ERC2: variants seen among roughly 807,000 people sequenced by gnomAD.
ERC2 encodes the protein ERC protein 2.
Under a neutral mutation model 114.8 loss-of-function variants are expected in ERC2, and 42 were observed. That is an observed-to-expected ratio of 0.37 (90% confidence interval 0.29 to 0.47). The LOEUF (loss-of-function observed/expected upper bound fraction) is 0.47. Ranked by LOEUF, ERC2 falls within the 20% of genes least tolerant of loss-of-function variation. The pLI is 0.99. For missense variants in ERC2, 939 were observed against 1,150.7 expected, an observed-to-expected ratio of 0.82 and a Z score of 2.66; for synonymous variants, 454 against 425.5, an observed-to-expected ratio of 1.07 and a Z score of -0.82.
intron 8 of ERC2, among the ~76,000 whole-genome samples, chr3:56,015,466 G>A (rs933700052): frequency 9.9e-5 from 15 of 151,004 alleles, no homozygotes; most frequent in South Asian, 2.1e-4. Context: ...GCAGTGTTTC[G>A]TTTTCTGTTC....
At chr3:56,033,445 C>A (rs1213772909) in intron 7 of ERC2, among the ~76,000 whole-genome samples, 1 of 152,070 alleles carries the variant, frequency 6.6e-6, no homozygotes, top group Non-Finnish European at 1.5e-5. Flanking sequence ...GGTTAGCATC[C>A]TTTCATTTCA....
Position 56,434,605 on chromosome 3 carries a change from C to A in ERC2, c.403G>T (p.Val135Phe). 1.2e-6 allele frequency: 2 copies of A among 1,613,876 alleles called. No individual in the cohort carries two copies. Among genetic ancestry groups the A allele is most frequent in the African/African-American group, 1.3e-5 (1 of 74,986 alleles). Residue 135 changes from valine (V) to phenylalanine (F), a missense_variant, in exon 2 of 18, where the codon GTC (valine) becomes TTC (phenylalanine). By Grantham distance (50) the Val-to-Phe change is conservative. Around this residue, in one of 5 missense-constraint regions of ERC2, gnomAD observed 281 missense variants for 307.4 expected, o/e 0.91. Coordinates refer to ENST00000288221, the MANE Select transcript of ERC2 (RefSeq NM_015576.3). ...TGSSHHHHHQ[V>F]PSMLRQVRDS... ...CTTACCTGCCTCAACATGGAGGGGA[C>A]CTGGTGGTGGTGATGATGGGATGAG...
intron 15 of ERC2, among the ~76,000 whole-genome samples, chr3:55,714,667 G>GTGTATATA (rs2063990871): frequency 1.1e-5 from 1 of 88,594 alleles, no homozygotes; most frequent in African/African-American, 5.0e-5. Context: ...GTGTGTGTGT[G>GTGTATATA]TATATATATA....
intron 2 of ERC2, among the ~76,000 whole-genome samples, chr3:56,300,439 G>A (rs1214647854): frequency 6.6e-6 from 1 of 152,030 alleles, no homozygotes; most frequent in East Asian, 1.9e-4. Context: ...CCAGGCTAGG[G>A]GCATGTAGGA....
At chr3:55,781,677 T>A (rs754837798) in intron 14 of ERC2, among the ~76,000 whole-genome samples, 3 of 151,370 alleles carry the variant, frequency 2.0e-5, no homozygotes, top group Non-Finnish European at 4.4e-5. Flanking sequence ...TTCAAGACCA[T>A]CCTGGCCAAC....
intron 2 of ERC2, among the ~76,000 whole-genome samples, chr3:56,331,610 T>C (rs2057619369): frequency 1.3e-5 from 2 of 152,102 alleles, no homozygotes; most frequent in African/African-American, 2.4e-5. Flanking sequence ...TTGTATGCAC[T>C]AGGACGTTCA....
intron 14 of ERC2, among the ~76,000 whole-genome samples, chr3:55,861,075 C>T (rs1425185383): frequency 1.3e-4 from 20 of 152,200 alleles, no homozygotes; most frequent in Non-Finnish European, 4.4e-5. Flanking sequence ...GTTGACAAAA[C>T]CCATCCATAG....
intron 3 of ERC2, among the ~76,000 whole-genome samples, chr3:56,218,613 C>T (rs559817919): frequency 3.3e-5 from 5 of 152,238 alleles, no homozygotes; most frequent in Admixed American, 3.3e-4. Context: ...CTAGAAATAC[C>T]ATTTGACCCA....
intron 17 of ERC2, among the ~76,000 whole-genome samples, chr3:55,614,434 T>C (rs1174188287): frequency 6.6e-6 from 1 of 152,170 alleles, no homozygotes; most frequent in African/African-American, 2.4e-5. Context: ...TACTCTCCAG[T>C]TCTGCAACAT....
intron 14 of ERC2, among the ~76,000 whole-genome samples, chr3:55,806,648 A>T (rs1332484523): frequency 9.2e-5 from 14 of 152,148 alleles, no homozygotes. Context: ...GAGGCCAGGG[A>T]TGCTACTAAG....
intron 14 of ERC2, among the ~76,000 whole-genome samples, chr3:55,846,693 T>TTTCTC (rs2061382989): frequency 8.3e-4 from 118 of 142,908 alleles, no homozygotes; most frequent in East Asian, 7.0e-3. Context: ...CTCTCTCTCT[T>TTTCTC]TCTCTCTCTC....
intron 4 of ERC2, among the ~76,000 whole-genome samples, chr3:56,162,974 T>C (rs965886142): frequency 6.6e-6 from 1 of 152,116 alleles, no homozygotes. Flanking sequence ...TAATTTGAGA[T>C]CCTTCTAACT....
At chr3:55,760,778 A>C (rs906045406) in intron 14 of ERC2, among the ~76,000 whole-genome samples, 2 of 152,238 alleles carry the variant, frequency 1.3e-5, no homozygotes, top group African/African-American at 2.4e-5. Flanking sequence ...TAATCCAGAA[A>C]TAATATACTT....
chr3:55,898,807 A>G (rs1300919740), intron 13 of ERC2, among the ~76,000 whole-genome samples: 1 of 152,222 alleles, frequency 6.6e-6, no homozygotes, highest in African/African-American at 2.4e-5. Flanking sequence ...CCGCTTTGTA[A>G]CAAACCAAAT....
At chr3:56,060,256 A>C (rs2149705294) in intron 7 of ERC2, among the ~76,000 whole-genome samples, 1 of 152,372 alleles carries the variant, frequency 6.6e-6, no homozygotes, top group East Asian at 1.9e-4. Flanking sequence ...CTATATCCAC[A>C]GATAATGGTT....
In ERC2 at chr3:55,730,158, A is replaced by G. The variant is rs111634406; in HGVS notation, c.2712+4613T>C. The stretch of plus-strand genomic sequence containing the variant: ...GCTTTAGGGAGTCAGTGTTCAGCCT[A>G]GCCACAAGCAAGGTCTTAGCACTCC... On this transcript the variant is annotated intron_variant, in intron 15 of 17. Transcript: ENST00000288221. 1.3e-3 allele frequency among the ~76,000 whole-genome samples: 196 copies of G among 152,260 alleles called. 2 individuals carry two copies. The highest frequency in any genetic ancestry group is 4.6e-3 in the African/African-American group (192 of 41,570).
At chr3:56,348,334 C>T (rs949662528) in intron 2 of ERC2, among the ~76,000 whole-genome samples, 2 of 130,414 alleles carry the variant, frequency 1.5e-5, no homozygotes, top group African/African-American at 5.6e-5. Flanking sequence ...GGAATTCCAA[C>T]ACCATCATAT....
intron 2 of ERC2, among the ~76,000 whole-genome samples, chr3:56,427,711 A>G (rs2061625540): frequency 6.6e-6 from 1 of 152,124 alleles, no homozygotes; most frequent in Non-Finnish European, 1.5e-5. Flanking sequence ...GAAGATGATC[A>G]AGCACTAGCC....
intron 14 of ERC2, among the ~76,000 whole-genome samples, chr3:55,795,369 A>T (rs1208999995): frequency 6.6e-6 from 1 of 152,172 alleles, no homozygotes; most frequent in African/African-American, 2.4e-5. Context: ...TTTGCCCCAG[A>T]TCTCCATTGA....
Sources: gnomAD v4.1 joint callset for allele counts (sites outside exome capture counted in the v4.1 genomes callset) on GRCh38, gnomAD v4.1.1 for gene constraint, gnomAD v4.1.1 regional missense constraint, MANE v1.5 for transcripts, NCBI Gene and HGNC (gene_info 2026-07-23, HGNC 2026-07-21) for gene names.